TCN2: variants seen among roughly 807,000 people sequenced by gnomAD.
The protein encoded by TCN2 is transcobalamin-2.
In TCN2, 34 loss-of-function variants were observed where a neutral mutation model predicts 48.6. The observed-to-expected ratio is 0.70, with a 90% CI of 0.53 to 0.93. The LOEUF (loss-of-function observed/expected upper bound fraction) is 0.93, where lower values mean the gene tolerates loss of function less well. Ranked by LOEUF, TCN2 falls within the 40% of genes least tolerant of loss-of-function variation. The probability of loss-of-function intolerance (pLI) is 0.00; values close to 1 mark genes in which losing one functional copy is unlikely to be tolerated. For synonymous variants in TCN2, 283 were observed against 212.5 expected (o/e 1.33, Z -2.89); for missense variants, 652 against 526.1 (o/e 1.24, Z -2.34).
Position 30,626,555 on chromosome 22 carries a change from A to G in TCN2, c.*34A>G. On this transcript the variant is annotated 3_prime_UTR_variant, in exon 9 of 9. Coordinates refer to ENST00000215838, the MANE Select transcript of TCN2 (RefSeq NM_000355.4). ...CTCCCTCATCCCAGCAGCCTCGCAC[A>G]CTCCCTAGGCTTCTACCCTCCCTCC... 1 of 1,610,846 alleles carries G rather than the reference A, an allele frequency of 6.2e-7. No homozygotes were observed. Among genetic ancestry groups the G allele is most frequent in the Non-Finnish European group, 8.5e-7 (1 of 1,177,982 alleles).
At chr22:30,623,293 T>TA in intron 8 of TCN2, 1 of 477,472 alleles carries the variant, frequency 2.1e-6, no homozygotes, top group Admixed American at 3.7e-5. Flanking sequence ...ACCAGACAGA[T>TA]TACAAAAAAA....
rs761592230 is a variant in TCN2, at chr22:30,614,409, C to G, written c.488C>G (p.Ala163Gly). 1 of 1,614,146 alleles carries G rather than the reference C, an allele frequency of 6.2e-7. No homozygotes were observed. The highest frequency in any genetic ancestry group is 1.1e-5 in the South Asian group (1 of 91,082). ...SYYQYGLGIL[A>G]LCLHQKRVHD... The stretch of plus-strand genomic sequence containing the variant: ...TACCAGTATGGCCTGGGCATTCTGG[C>G]CCTGTGTCTCCACCAGAAGCGGGTC... Residue 163 changes from alanine to glycine, a missense_variant, in exon 4 of 9, where the codon GCC (alanine) becomes GGC (glycine). Coordinates refer to ENST00000215838, the MANE Select transcript of TCN2 (RefSeq NM_000355.4).
chr22:30,624,135 C>T (rs1033179433), intron 8 of TCN2, among the ~76,000 whole-genome samples: 44 of 147,894 alleles, frequency 3.0e-4, no homozygotes, highest in African/African-American at 1.0e-3. Context: ...AGTACAATGG[C>T]GAGGTCTCAG....
chr22:30,610,554 G>A (rs1016212813), intron 1 of TCN2, among the ~76,000 whole-genome samples: 5 of 152,236 alleles, frequency 3.3e-5, no homozygotes, highest in African/African-American at 9.6e-5. Flanking sequence ...GTGAGATTGG[G>A]CAAGGTGCCC....
intron 4 of TCN2, among the ~76,000 whole-genome samples, chr22:30,614,736 C>T (rs531730246): frequency 2.6e-5 from 4 of 152,188 alleles, no homozygotes; most frequent in East Asian, 1.9e-4. Context: ...TGGTGAAACC[C>T]CATCTCTACT....
At chr22:30,609,292 T>G (rs1175757782) in intron 1 of TCN2, among the ~76,000 whole-genome samples, 1 of 151,974 alleles carries the variant, frequency 6.6e-6, no homozygotes, top group African/African-American at 2.4e-5. Flanking sequence ...CGTGAGCCAC[T>G]CTGTCTGGCT....
intron 3 of TCN2, 62 bp from the exon 4 acceptor site, chr22:30,614,287 C>A: frequency 6.3e-7 from 1 of 1,585,118 alleles, no homozygotes; most frequent in African/African-American, 1.3e-5. Flanking sequence ...GTCCCAGGTG[C>A]TGGCGGGGCT....
rs141635240 is a variant in TCN2, at chr22:30,612,902, G to A, written c.287G>A (p.Cys96Tyr). ...GSAFSEDDGD[C>Y]QGKPSMGQLA... ...GCCTTCAGCGAGGATGACGGTGACT[G>A]CCAGGGCAAGCCTTCCATGGGCCAG... Residue 96 changes from cysteine to tyrosine, a missense_variant, in exon 3 of 9, where the codon TGC (cysteine) becomes TAC (tyrosine). Physicochemically the swap from Cys to Tyr is radical, Grantham distance 194. Coordinates refer to ENST00000215838, the MANE Select transcript of TCN2 (RefSeq NM_000355.4). 3 of 1,614,048 alleles carry A rather than the reference G, an allele frequency of 1.9e-6. No individual in the cohort carries two copies. Among genetic ancestry groups the A allele is most frequent in the East Asian group, 2.2e-5 (1 of 44,884 alleles).
chr22:30,625,319 C>T (rs1292439657), intron 8 of TCN2, among the ~76,000 whole-genome samples: 1 of 152,064 alleles, frequency 6.6e-6, no homozygotes, highest in African/African-American at 2.4e-5. Flanking sequence ...CTGATGGGGG[C>T]CCACTTTCTG....
intron 1 of TCN2, among the ~76,000 whole-genome samples, chr22:30,609,931 G>A (rs763580376): frequency 3.9e-5 from 6 of 152,122 alleles, no homozygotes; most frequent in Non-Finnish European, 5.9e-5. Flanking sequence ...TCTGGTCCTC[G>A]TTCTGGTCCC....
Position 30,612,857 on chromosome 22 carries a change from A to G in TCN2, c.258-16A>G, listed in dbSNP as rs374013099. 1.8e-4 allele frequency: 285 copies of G among 1,612,668 alleles called. 1 individual carries two copies. The highest frequency in any genetic ancestry group is 2.1e-4 in the Non-Finnish European group (253 of 1,179,944). On this transcript the variant is annotated splice_polypyrimidine_tract_variant and intron_variant, in intron 2 of 8. Coordinates refer to ENST00000215838, the MANE Select transcript of TCN2 (RefSeq NM_000355.4). ...GTGGCAGTTTCTCACAAAGGCATTA[A>G]CTGGCCTTGTCCTAGGTCTGCCTTC...
At chr22:30,607,448 G>T in intron 1 of TCN2, 53 bp downstream of exon 1, 1 of 1,606,498 alleles carries the variant, frequency 6.2e-7, no homozygotes, top group Non-Finnish European at 8.5e-7. Context: ...CCTTAGTGGG[G>T]TGGCTAGGGC....
chr22:30,610,297 T>G (rs1489387563), intron 1 of TCN2: 1 of 471,034 alleles, frequency 2.1e-6, no homozygotes. Flanking sequence ...CAGCCTCAAT[T>G]CACCAGCTGG....
intron 7 of TCN2, among the ~76,000 whole-genome samples, chr22:30,622,608 G>A (rs1051024372): frequency 7.2e-5 from 11 of 151,748 alleles, no homozygotes; most frequent in South Asian, 6.2e-4. Flanking sequence ...ACCCTCTCTC[G>A]TTGTACATTG....
chr22:30,626,817 A>G lies in TCN2; in HGVS notation c.*296A>G, dbSNP rs2087817973. The G allele has an allele frequency of 1.9e-5, 10 of 530,018 alleles. No individual in the cohort carries two copies. In the Admixed American group the frequency reaches 1.9e-4, roughly 10 times the overall value. 32.8% of individuals were successfully genotyped at this position (530,018 alleles called of 1,614,324 possible). On this transcript the variant is annotated 3_prime_UTR_variant, in exon 9 of 9. Transcript: ENST00000215838. The stretch of plus-strand genomic sequence containing the variant: ...TGGTCTGATGGGCATGAAGCATCTC[A>G]GACTCCTTGGCAAAAAACGGAGTCC...
chr22:30,626,510 G>A lies in TCN2; in HGVS notation c.1273G>A (p.Val425Ile). Residue 425 changes from valine (V) to isoleucine (I), a missense_variant, in exon 9 of 9, where the codon GTT becomes ATT. Coordinates refer to ENST00000215838, the MANE Select transcript of TCN2 (RefSeq NM_000355.4). ...TGGAGAAACCATTGAGCTGAGGCTG[G>A]TTAGCTGGTAGCCCCTGAGCTCCCT... ...KDGETIELRL[V>I]SW 3 of 1,614,106 alleles carry A rather than the reference G, an allele frequency of 1.9e-6. No individual in the cohort carries two copies. The highest frequency in any genetic ancestry group is 2.5e-6 in the Non-Finnish European group (3 of 1,180,030).
intron 3 of TCN2, among the ~76,000 whole-genome samples, chr22:30,613,717 C>T (rs971394124): frequency 6.6e-6 from 1 of 152,180 alleles, no homozygotes; most frequent in African/African-American, 2.4e-5. Flanking sequence ...CAGCATACAA[C>T]AGCCAGAGCC....
Position 30,614,380 on chromosome 22 carries a change from C to G in TCN2, c.459C>G (p.Ser153Arg). 6.2e-7 allele frequency: 1 copy of G among 1,614,204 alleles called. No homozygotes were observed. The highest frequency in any genetic ancestry group is 8.5e-7 in the Non-Finnish European group (1 of 1,180,038). Residue 153 changes from serine to arginine, a missense_variant, in exon 4 of 9, where the codon AGC (serine) becomes AGG (arginine). Ser to Arg is a moderately radical substitution (Grantham distance 110). Transcript: ENST00000215838. ...GHDHKGHPHT[S>R]YYQYGLGILA... ...ATCACAAGGGCCACCCCCACACTAG[C>G]TACTACCAGTATGGCCTGGGCATTC...
chr22:30,622,389 G>A (rs1281063792), intron 7 of TCN2, among the ~76,000 whole-genome samples: 2 of 152,218 alleles, frequency 1.3e-5, no homozygotes, highest in Non-Finnish European at 2.9e-5. Flanking sequence ...GGGAGTGTGA[G>A]TTGAGGAGTC....
Sources: gnomAD v4.1 joint callset for allele counts (sites outside exome capture counted in the v4.1 genomes callset) on GRCh38, gnomAD v4.1.1 for gene constraint, MANE v1.5 for transcripts, NCBI Gene and HGNC (gene_info 2026-07-23, HGNC 2026-07-21) for gene names.